TBC1D32: variants seen among roughly 807,000 people sequenced by gnomAD.
TBC1D32 encodes the protein TBC1 domain family member 32.
Under a neutral mutation model 170.3 loss-of-function variants are expected in TBC1D32, and 151 were observed. The observed-to-expected ratio is 0.89, with a 90% confidence interval of 0.78 to 1.01. The LOEUF (loss-of-function observed/expected upper bound fraction) is 1.01. TBC1D32 is among the 50% of genes least tolerant of loss of function. The pLI, the probability that TBC1D32 is intolerant of heterozygous loss-of-function variation, is 0.00. For missense variants in TBC1D32, 1,464 were observed against 1,457.1 expected, an observed-to-expected ratio of 1.00 and a Z score of -0.08; for synonymous variants, 498 against 488.0, an observed-to-expected ratio of 1.02 and a Z score of -0.27.
At chr6:121,263,220 CA>C (rs749040201) in intron 15 of TBC1D32, among the ~76,000 whole-genome samples, 13 of 128,144 alleles carry the variant, frequency 1.0e-4, no homozygotes, top group Admixed American at 3.7e-4. Context: ...GCTCAAAAAA[CA>C]AAACAAAAAA....
At chr6:121,267,350 G>A (rs1260737424) in intron 15 of TBC1D32, among the ~76,000 whole-genome samples, 1 of 152,180 alleles carries the variant, frequency 6.6e-6, no homozygotes, top group Non-Finnish European at 1.5e-5. Context: ...CAAGGGGTCA[G>A]GGAATTCCCT....
intron 26 of TBC1D32, among the ~76,000 whole-genome samples, chr6:121,125,115 G>T (rs1295298641): frequency 6.6e-6 from 1 of 151,444 alleles, no homozygotes; most frequent in African/African-American, 2.5e-5. Flanking sequence ...ACATGCTGCA[G>T]AATTATGTAT....
At chr6:121,215,496 C>T (rs996656797) in intron 21 of TBC1D32, among the ~76,000 whole-genome samples, 28 of 152,198 alleles carry the variant, frequency 1.8e-4, no homozygotes, top group Middle Eastern at 3.2e-3. Context: ...GCGACAAGAG[C>T]AAAAATTCAC....
intron 22 of TBC1D32, among the ~76,000 whole-genome samples, chr6:121,178,358 T>G (rs980483518): frequency 2.6e-5 from 4 of 152,106 alleles, no homozygotes; most frequent in Non-Finnish European, 5.9e-5. Context: ...ATACTGATGA[T>G]ATGAAAAACT....
At chr6:121,316,034 A>G (rs887086118) in intron 3 of TBC1D32, among the ~76,000 whole-genome samples, 1 of 152,194 alleles carries the variant, frequency 6.6e-6, no homozygotes, top group Non-Finnish European at 1.5e-5. Flanking sequence ...AAAGAAATCC[A>G]GGGAAACTTA....
At chr6:121,179,168 G>A (rs1452800674) in intron 22 of TBC1D32, among the ~76,000 whole-genome samples, 1 of 150,924 alleles carries the variant, frequency 6.6e-6, no homozygotes, top group Non-Finnish European at 1.5e-5. Context: ...ATGGCAGGGG[G>A]GATACATATA....
Position 121,308,109 on chromosome 6 carries a change from T to G in TBC1D32, c.565-8A>C. On this transcript the variant is annotated splice_region_variant and splice_polypyrimidine_tract_variant and intron_variant, in intron 4 of 31. Transcript: ENST00000398212. ...CAAGGCTTCATATCTCACCTACAAT[T>G]TTTTTAAAAGACTTTTATTAACACT... The G allele has an allele frequency of 6.2e-7, 1 of 1,607,332 alleles. No individual in the cohort carries two copies. Among genetic ancestry groups the G allele is most frequent in the Middle Eastern group, 1.7e-4 (1 of 6,046 alleles).
At chr6:121,173,832 T>G (rs544088974) in intron 22 of TBC1D32, among the ~76,000 whole-genome samples, 54 of 151,838 alleles carry the variant, frequency 3.6e-4, no homozygotes, top group African/African-American at 1.3e-3. Context: ...TAGCTTCTCT[T>G]AAGCATAAGC....
At chr6:121,145,078 AAG>A (rs1263080726) in intron 24 of TBC1D32, among the ~76,000 whole-genome samples, 4 of 152,204 alleles carry the variant, frequency 2.6e-5, no homozygotes, top group Non-Finnish European at 5.9e-5. Context: ...AGAGAATGGA[AAG>A]AGAGTAATGG....
chr6:121,262,965 G>GA (rs946973828), intron 15 of TBC1D32, among the ~76,000 whole-genome samples: 2 of 151,572 alleles, frequency 1.3e-5, no homozygotes, highest in African/African-American at 2.4e-5. Flanking sequence ...ACCAGCCACT[G>GA]AAAAAAAACA....
Position 121,111,700 on chromosome 6 carries a change from T to C in TBC1D32, c.3324+805A>G, listed in dbSNP as rs139944488. Among the ~76,000 whole-genome samples the C allele has an allele frequency of 1.2e-4, 19 of 152,218 alleles. No individual in the cohort carries two copies. In the East Asian group the frequency reaches 1.9e-3, roughly 15 times the overall value. The stretch of plus-strand genomic sequence containing the variant: ...AGCATAACATTATAAAATTTTAATA[T>C]TTATTGTATTCCATGATGAATTGAT... On this transcript the variant is annotated intron_variant, in intron 29 of 31. Coordinates refer to ENST00000398212, the MANE Select transcript of TBC1D32 (RefSeq NM_152730.6).
intron 30 of TBC1D32, among the ~76,000 whole-genome samples, chr6:121,099,035 CA>C (rs1204697200): frequency 6.6e-6 from 1 of 151,702 alleles, no homozygotes; most frequent in Non-Finnish European, 1.5e-5. Flanking sequence ...CAATGTGTCA[CA>C]AAAAAATAAT....
In TBC1D32 at chr6:121,241,633, A is replaced by G; in HGVS notation, c.2158-81T>C. ...TAGACATTCCTTCAAGATGGTAAGA[A>G]CTGCAAAAACAAACTCTGAAAAATA... On this transcript the variant is annotated intron_variant, in intron 18 of 31. Transcript: ENST00000398212. The G allele has an allele frequency of 6.2e-6, 7 of 1,127,066 alleles. No individual in the cohort carries two copies. In the South Asian group the frequency reaches 8.0e-5, roughly 13 times the overall value. 69.8% of individuals were successfully genotyped at this position (1,127,066 alleles called of 1,614,324 possible). A position where few individuals can be genotyped will look rare whatever the true frequency, so the allele number is the denominator to read the frequency against.
At chr6:121,115,322 CA>C (rs931848501) in intron 26 of TBC1D32, 81 bp from the exon 27 acceptor site, 1 of 1,011,398 alleles carries the variant, frequency 9.9e-7, no homozygotes, top group Non-Finnish European at 1.4e-6. Flanking sequence ...TTGATGAAAG[CA>C]ATATTTTTAC....
At chr6:121,188,835 T>G (rs894212465) in intron 22 of TBC1D32, among the ~76,000 whole-genome samples, 1 of 152,134 alleles carries the variant, frequency 6.6e-6, no homozygotes, top group Non-Finnish European at 1.5e-5. Flanking sequence ...TATTATCTTC[T>G]CTAGCTGCTC....
intron 15 of TBC1D32, among the ~76,000 whole-genome samples, chr6:121,273,422 T>C (rs1462888550): frequency 6.6e-6 from 1 of 151,310 alleles, no homozygotes; most frequent in East Asian, 2.0e-4. Context: ...TTCTCACTCA[T>C]AGGTGAGAAC....
intron 25 of TBC1D32, among the ~76,000 whole-genome samples, chr6:121,128,824 G>C (rs1269686825): frequency 1.3e-5 from 2 of 152,136 alleles, no homozygotes; most frequent in African/African-American, 4.8e-5. Flanking sequence ...CTGAAGGTCG[G>C]TATCCCTGAA....
intron 17 of TBC1D32, among the ~76,000 whole-genome samples, chr6:121,248,685 C>T (rs1428812144): frequency 6.6e-6 from 1 of 151,520 alleles, no homozygotes; most frequent in Non-Finnish European, 1.5e-5. Flanking sequence ...CCTTTATGTG[C>T]ACAAACTAGA....
rs531216755 is a variant in TBC1D32, at chr6:121,190,618, T to C, written c.2570+14457A>G. Among the ~76,000 whole-genome samples the C allele has an allele frequency of 2.2e-4, 33 of 152,226 alleles. 1 individual carries two copies. In the South Asian group the frequency reaches 3.5e-3, roughly 16 times the overall value. ...ATGAGGGACTAGCCTTTTCATCTGT[T>C]TTGGGACATATTTTGGATATGGTGA... On this transcript the variant is annotated intron_variant, in intron 22 of 31. Transcript: ENST00000398212.
Sources: gnomAD v4.1 joint callset for allele counts (sites outside exome capture counted in the v4.1 genomes callset) on GRCh38, gnomAD v4.1.1 for gene constraint, MANE v1.5 for transcripts, NCBI Gene and HGNC (gene_info 2026-07-23, HGNC 2026-07-21) for gene names.